Variants in AMOTL1 observed in about 807,000 individuals in gnomAD.
AMOTL1 encodes angiomotin-like protein 1.
A neutral mutation model predicts 102.9 loss-of-function variants in AMOTL1; 45 were observed. That is an observed-to-expected ratio of 0.44 (90% CI 0.34 to 0.56). The LOEUF (loss-of-function observed/expected upper bound fraction) is 0.56. Ranked by LOEUF, AMOTL1 falls within the 20% of genes least tolerant of loss-of-function variation. The pLI is 0.01. For missense variants in AMOTL1, 1,114 were observed against 1,225.6 expected, an observed-to-expected ratio of 0.91 and a Z score of 1.36; for synonymous variants, 481 against 484.7, an observed-to-expected ratio of 0.99 and a Z score of 0.10.
chr11:94,843,488 T>G (rs1952347658), intron 6 of AMOTL1, among the ~76,000 whole-genome samples: 1 of 152,212 alleles, frequency 6.6e-6, no homozygotes, highest in Admixed American at 6.5e-5. Flanking sequence ...CTATTGTCTT[T>G]CCACTCCCAC....
At chr11:94,820,107 C>T (rs1951836902) in intron 3 of AMOTL1, among the ~76,000 whole-genome samples, 1 of 152,214 alleles carries the variant, frequency 6.6e-6, no homozygotes, top group African/African-American at 2.4e-5. Context: ...AGACTTCCCA[C>T]TTCATTAAAT....
At chr11:94,834,737 C>T (rs899400085) in intron 6 of AMOTL1, among the ~76,000 whole-genome samples, 3 of 152,060 alleles carry the variant, frequency 2.0e-5, no homozygotes, top group African/African-American at 7.2e-5. Flanking sequence ...GCTAGGTGTT[C>T]GCACGGAAAC....
At chr11:94,745,430 G>T (rs1950578966) in intron 3 of AMOTL1, among the ~76,000 whole-genome samples, 1 of 152,008 alleles carries the variant, frequency 6.6e-6, no homozygotes, top group Non-Finnish European at 1.5e-5. Flanking sequence ...TGGTTAAAAG[G>T]TATTTATTAT....
Position 94,806,954 on chromosome 11 carries a change from C to T in AMOTL1, c.1121+6643C>T, listed in dbSNP as rs370743137. Among the ~76,000 whole-genome samples the T allele has an allele frequency of 1.2e-3, 176 of 152,196 alleles. 5 individuals are homozygous for T. The South Asian group carries it at 0.034, about 30-fold the overall frequency. On this transcript the variant is annotated intron_variant, in intron 3 of 12. Coordinates refer to ENST00000433060, the MANE Select transcript of AMOTL1 (RefSeq NM_130847.3). ...GGGTTTGGGTTCTGGCTCTTCCTTC[C>T]GGTAGCAAATTGCATAAGTTCTCAG...
At chr11:94,847,147 A>G (rs921870246) in intron 6 of AMOTL1, among the ~76,000 whole-genome samples, 1 of 152,154 alleles carries the variant, frequency 6.6e-6, no homozygotes, top group Non-Finnish European at 1.5e-5. Context: ...CCAGAAACGA[A>G]TGTAGCTTTT....
In AMOTL1 at chr11:94,799,970, G is replaced by T. The variant is rs535109500; in HGVS notation, c.780G>T (p.Ser260=). 9 of 1,613,918 alleles carry T rather than the reference G, an allele frequency of 5.6e-6. No individual in the cohort carries two copies. The Admixed American group carries it at 1.2e-4, about 21-fold the overall frequency. The part of the protein sequence containing the change: ...LKELKQGHVR[S]LSERIMQLSL... ...AACTGAAGCAGGGCCACGTCCGCTC[G>T]CTCAGCGAGAGAATCATGCAGCTGT... Residue 260 remains serine (S), a synonymous_variant, in exon 3 of 13, where the codon TCG becomes TCT. Coordinates refer to ENST00000433060, the MANE Select transcript of AMOTL1 (RefSeq NM_130847.3). The surrounding 1 kb of genome is among the most constrained non-coding windows in gnomAD (Gnocchi z 4.5).
chr11:94,816,565 T>G (rs1207274853), intron 3 of AMOTL1, among the ~76,000 whole-genome samples: 2 of 152,328 alleles, frequency 1.3e-5, no homozygotes, highest in East Asian at 3.9e-4. Context: ...ATAATTCCTT[T>G]GCCATTGTTA....
intron 1 of AMOTL1, among the ~76,000 whole-genome samples, chr11:94,782,429 A>G (rs543160712): frequency 5.9e-5 from 9 of 152,308 alleles, no homozygotes; most frequent in African/African-American, 1.9e-4. Flanking sequence ...GATTTTGTTG[A>G]TATTATATAC....
At chr11:94,771,077 C>G (rs1353253416) in intron 1 of AMOTL1, among the ~76,000 whole-genome samples, 1 of 151,954 alleles carries the variant, frequency 6.6e-6, no homozygotes, top group African/African-American at 2.4e-5. Flanking sequence ...AATGATAAAA[C>G]AAAGACTTTT....
At chr11:94,719,855 A>G (rs1340114633) in intron 1 of AMOTL1, among the ~76,000 whole-genome samples, 3 of 152,148 alleles carry the variant, frequency 2.0e-5, no homozygotes, top group African/African-American at 4.8e-5. Context: ...GTATTTCTCA[A>G]CTGTGGCTCC....
chr11:94,867,300 A>T (rs1952903903), intron 11 of AMOTL1, among the ~76,000 whole-genome samples: 1 of 152,216 alleles, frequency 6.6e-6, no homozygotes, highest in Admixed American at 6.5e-5. Flanking sequence ...AGCTGAGATC[A>T]TCAAAGACTG....
chr11:94,707,250 C>CTCTGTGTGTG (rs1338023479), intron 1 of AMOTL1, among the ~76,000 whole-genome samples: 205 of 71,780 alleles, frequency 2.9e-3, no homozygotes, highest in African/African-American at 7.6e-3. Flanking sequence ...CTCTCTCTCT[C>CTCTGTGTGTG]TGTGTGTGTG....
chr11:94,794,885 A>T, intron 1 of AMOTL1, 126 bp from the exon 2 acceptor site: 1 of 1,116,228 alleles, frequency 9.0e-7, no homozygotes, highest in Admixed American at 2.8e-5. Flanking sequence ...TATGAATCAA[A>T]AAGAAAGAGC....
chr11:94,709,676 C>A (rs1565321802), intron 1 of AMOTL1, among the ~76,000 whole-genome samples: 1 of 152,140 alleles, frequency 6.6e-6, no homozygotes, highest in Non-Finnish European at 1.5e-5. Context: ...AACTCCAGCC[C>A]CCACCACTAT....
At chr11:94,795,255 A>G in intron 2 of AMOTL1, 95 bp downstream of exon 2, 4 of 1,445,632 alleles carry the variant, frequency 2.8e-6, no homozygotes, top group Non-Finnish European at 3.8e-6. Flanking sequence ...TTTATTCTCT[A>G]ATCTTGTTTT....
At chr11:94,706,853 C>G (rs550425004) in intron 1 of AMOTL1, among the ~76,000 whole-genome samples, 2 of 152,210 alleles carry the variant, frequency 1.3e-5, no homozygotes, top group African/African-American at 4.8e-5. Flanking sequence ...TATTAGGTGC[C>G]TATTCTAAGA....
chr11:94,768,843 G>A (rs767746507), intron 1 of AMOTL1, among the ~76,000 whole-genome samples: 7 of 151,982 alleles, frequency 4.6e-5, no homozygotes, highest in Non-Finnish European at 7.4e-5. Context: ...CGCCCGACGC[G>A]GGGCTGGCCT....
At chr11:94,829,373 C>A (rs1383458350) in intron 4 of AMOTL1, among the ~76,000 whole-genome samples, 1 of 152,010 alleles carries the variant, frequency 6.6e-6, no homozygotes, top group Non-Finnish European at 1.5e-5. Flanking sequence ...CAGGTACCCA[C>A]CACCATGCCC....
At chr11:94,796,951 C>T (rs1565355388) in intron 2 of AMOTL1, 2 of 984,198 alleles carry the variant, frequency 2.0e-6, no homozygotes, top group Non-Finnish European at 2.4e-6. Context: ...TTGTTTTTTT[C>T]TCATTTCACT....
Sources: gnomAD v4.1 joint callset for allele counts (sites outside exome capture counted in the v4.1 genomes callset) on GRCh38, gnomAD v4.1.1 for gene constraint, Gnocchi (gnomAD v3.1) non-coding constraint, MANE v1.5 for transcripts, NCBI Gene and HGNC (gene_info 2026-07-23, HGNC 2026-07-21) for gene names.